The following DOCK8 variants were observed in gnomAD, a reference collection of about 807,000 sequenced individuals.
DOCK8 encodes the protein dedicator of cytokinesis 8, also known as dedicator of cytokinesis protein 8.
A neutral mutation model predicts 245.6 loss-of-function variants in DOCK8; 141 were observed. The ratio of observed to expected loss-of-function variants is 0.57; its 90% CI spans 0.50 to 0.66. The LOEUF is 0.66. Ranked by LOEUF, DOCK8 falls within the 30% of genes least tolerant of loss-of-function variation. The pLI is 0.00. For missense variants in DOCK8, 2,965 were observed against 2,603.4 expected, an observed-to-expected ratio of 1.14 and a Z score of -3.02; for synonymous variants, 1,168 against 970.2, an observed-to-expected ratio of 1.20 and a Z score of -3.79.
chr9:256,370 G>C (rs1018948581), intron 1 of DOCK8, among the ~76,000 whole-genome samples: 2 of 152,144 alleles, frequency 1.3e-5, no homozygotes, highest in Non-Finnish European at 2.9e-5. Context: ...TTCTTAGGTC[G>C]GAACAGGCTC....
intron 1 of DOCK8, among the ~76,000 whole-genome samples, chr9:252,878 A>G (rs547161058): frequency 1.3e-5 from 2 of 152,320 alleles, no homozygotes; most frequent in South Asian, 2.1e-4. Flanking sequence ...GGTAGCCAAC[A>G]TGCATTTAAA....
intron 7 of DOCK8, among the ~76,000 whole-genome samples, chr9:324,928 A>T (rs867668003): frequency 1.3e-4 from 20 of 152,136 alleles, no homozygotes; most frequent in Admixed American, 9.8e-4. Flanking sequence ...TCACCCAAGC[A>T]GTGTACATTG....
intron 1 of DOCK8, among the ~76,000 whole-genome samples, chr9:252,746 C>G (rs966066399): frequency 6.7e-6 from 1 of 149,342 alleles, no homozygotes; most frequent in African/African-American, 2.5e-5. Context: ...CGCAGTGAGC[C>G]GAGATCACAC....
chr9:224,759 AAGGGGTACT>A (rs538805816), intron 1 of DOCK8, among the ~76,000 whole-genome samples: 30 of 152,250 alleles, frequency 2.0e-4, no homozygotes, highest in African/African-American at 7.2e-4. Flanking sequence ...GGAGCTCCCT[AAGGGGTACT>A]AGTCATCATA....
At chr9:368,523 G>A (rs1177120463) in intron 15 of DOCK8, 1 of 535,656 alleles carries the variant, frequency 1.9e-6, no homozygotes, top group East Asian at 3.0e-5. Context: ...TACACACACA[G>A]TGTTACACAC....
At chr9:400,913 T>A (rs1469202769) in intron 26 of DOCK8, among the ~76,000 whole-genome samples, 10 of 37,328 alleles carry the variant, frequency 2.7e-4, no homozygotes, top group Admixed American at 1.1e-3. Context: ...TACCAACAGC[T>A]CCTTCACCAT....
Position 399,166 on chromosome 9 carries a change from G to T in DOCK8, c.3141G>T (p.Lys1047Asn). The T allele has an allele frequency of 6.2e-7, 1 of 1,614,018 alleles. No individual in the cohort carries two copies. Among genetic ancestry groups the T allele is most frequent in the Non-Finnish European group, 8.5e-7 (1 of 1,180,002 alleles). Residue 1047 changes from lysine (K) to asparagine (N), a missense_variant, in exon 26 of 48, where the codon AAG becomes AAT. Lys to Asn is a moderately conservative substitution (Grantham distance 94). Around this residue, in one of 3 missense-constraint regions of DOCK8, gnomAD observed 2,825 missense variants for 2,453.5 expected, o/e 1.15. Transcript: ENST00000432829. ...KPQKENEQAEKMNISLAFFLY... is the reference protein window; with the variant it reads ...KPQKENEQAENMNISLAFFLY... The stretch of plus-strand genomic sequence containing the variant: ...TTAAGGAAAATGAACAGGCGGAAAA[G>T]ATGAACATCAGCCTGGCTTTCTTCT...
chr9:275,228 A>G (rs1211716466), intron 2 of DOCK8, among the ~76,000 whole-genome samples: 5 of 152,188 alleles, frequency 3.3e-5, no homozygotes, highest in Non-Finnish European at 7.4e-5. Flanking sequence ...ATTTGGCACT[A>G]TGGAGACACT....
intron 4 of DOCK8, among the ~76,000 whole-genome samples, chr9:290,727 C>T (rs567691263): frequency 1.4e-4 from 22 of 152,274 alleles, no homozygotes; most frequent in South Asian, 8.3e-4. Flanking sequence ...ACTAGAGACA[C>T]GTCACAGAAC....
At chr9:426,791 G>T in intron 33 of DOCK8, 94 bp from the exon 34 acceptor site, 2 of 959,200 alleles carry the variant, frequency 2.1e-6, no homozygotes, top group Non-Finnish European at 3.4e-6. Context: ...TGACTATTTT[G>T]GAGATTTCTT....
chr9:215,371 G>A (rs201097337), intron 1 of DOCK8: 22 of 1,592,746 alleles, frequency 1.4e-5, no homozygotes, highest in Non-Finnish European at 1.9e-5. Flanking sequence ...GGGTAACCGT[G>A]TTGGGCGCGC....
rs759399965 is a variant in DOCK8, at chr9:432,332, G to A, written c.4785+8G>A. On this transcript the variant is annotated splice_region_variant and intron_variant, in intron 37 of 47. Coordinates refer to ENST00000432829, the MANE Select transcript of DOCK8 (RefSeq NM_203447.4). ...ACTCCTTTTCCCACCCAGGTACACC[G>A]AAGCACATACCTTGTCTCATGCATG... 10 of 1,613,798 alleles carry A rather than the reference G, an allele frequency of 6.2e-6. No homozygotes were observed. Among genetic ancestry groups the A allele is most frequent in the East Asian group, 2.2e-5 (1 of 44,882 alleles).
chr9:424,864 A>T (rs182704200), intron 33 of DOCK8, among the ~76,000 whole-genome samples: 33 of 152,338 alleles, frequency 2.2e-4, no homozygotes, highest in Admixed American at 1.1e-3. Context: ...TTGGGAAAAA[A>T]CAGATTAGGA....
intron 1 of DOCK8, among the ~76,000 whole-genome samples, chr9:267,372 A>AT (rs2048060695): frequency 6.6e-6 from 1 of 151,962 alleles, no homozygotes; most frequent in Non-Finnish European, 1.5e-5. Flanking sequence ...TACCTGGCTA[A>AT]TTTTTGTATT....
intron 7 of DOCK8, among the ~76,000 whole-genome samples, chr9:319,637 CATA>C (rs540341181): frequency 1.1e-3 from 168 of 152,144 alleles, no homozygotes; most frequent in African/African-American, 3.9e-3. Flanking sequence ...GGATTCTATT[CATA>C]ATACTACATG....
intron 26 of DOCK8, 113 bp downstream of exon 26, chr9:399,372 C>G: frequency 1.3e-6 from 1 of 789,362 alleles, no homozygotes; most frequent in Non-Finnish European, 2.2e-6. Flanking sequence ...TGGCATGAAT[C>G]CTACACATCC....
chr9:336,549 C>T lies in DOCK8; in HGVS notation c.1286-33C>T, dbSNP rs922361555. 3.0e-5 allele frequency: 49 copies of T among 1,613,840 alleles called. No homozygotes were observed. In the Admixed American group the frequency reaches 7.5e-4, roughly 25 times the overall value. ...ACTGCTGTGTGTTTGAACAGAAAGGCATACTTTGGAGTGACAATTGTTTTT... is the reference window on the plus strand; with the variant it reads ...ACTGCTGTGTGTTTGAACAGAAAGGTATACTTTGGAGTGACAATTGTTTTT... On this transcript the variant is annotated intron_variant, in intron 11 of 47. Transcript: ENST00000432829.
At chr9:400,967 T>TCCACCACCACCA (rs1346442835) in intron 26 of DOCK8, among the ~76,000 whole-genome samples, 7 of 42,358 alleles carry the variant, frequency 1.7e-4, no homozygotes, top group African/African-American at 9.2e-4. Context: ...CACCACCACC[T>TCCACCACCACCA]CCTCCACCAT....
intron 25 of DOCK8, among the ~76,000 whole-genome samples, chr9:397,443 C>G (rs530913135): frequency 1.7e-4 from 26 of 151,310 alleles, no homozygotes; most frequent in African/African-American, 5.8e-4. Flanking sequence ...AATCCCAGCA[C>G]TTTGGGAGGC....
Sources: allele counts gnomAD v4.1 joint callset (sites outside exome capture counted in the v4.1 genomes callset), GRCh38; gene constraint gnomAD v4.1.1; regional missense constraint gnomAD v4.1.1; transcripts MANE v1.5; gene names NCBI Gene and HGNC (gene_info 2026-07-23, HGNC 2026-07-21).